The following SRGAP3 variants were observed in gnomAD, a reference collection of about 807,000 sequenced individuals.
The protein encoded by SRGAP3 is SLIT-ROBO Rho GTPase-activating protein 3.
In SRGAP3, 39 loss-of-function variants were observed where a neutral mutation model predicts 121.1. The ratio of observed to expected loss-of-function variants is 0.32; its 90% CI spans 0.25 to 0.42. The LOEUF is 0.42. Ranked by LOEUF, SRGAP3 falls within the 10% of genes least tolerant of loss-of-function variation. The pLI is 1.00. For synonymous variants in SRGAP3, 601 were observed against 570.0 expected (o/e 1.05, Z -0.77); for missense variants, 1,213 against 1,470.6 (o/e 0.82, Z 2.86).
chr3:9,262,910 G>C (rs144136185), intron 3 of SRGAP3, among the ~76,000 whole-genome samples: 1 of 152,232 alleles, frequency 6.6e-6, no homozygotes, highest in East Asian at 1.9e-4. Flanking sequence ...CAAATCAACA[G>C]AGTATACATT....
intron 3 of SRGAP3, among the ~76,000 whole-genome samples, chr3:9,283,854 T>G (rs1394495504): frequency 1.3e-5 from 2 of 152,176 alleles, no homozygotes; most frequent in African/African-American, 4.8e-5. Flanking sequence ...TTTTGAAATG[T>G]TAAAACGATA....
chr3:9,298,134 A>G (rs1954983283), intron 3 of SRGAP3, among the ~76,000 whole-genome samples: 1 of 152,200 alleles, frequency 6.6e-6, no homozygotes, highest in Non-Finnish European at 1.5e-5. Context: ...CAGCCTTAGC[A>G]CACTAATACA....
chr3:9,034,080 G>A (rs1030123015), intron 11 of SRGAP3: 1 of 152,206 alleles, frequency 6.6e-6, no homozygotes, highest in African/African-American at 2.4e-5. Context: ...CAGTTCACCA[G>A]AGAAACAGCC....
chr3:8,993,022 C>T lies in SRGAP3; in HGVS notation c.2442G>A (p.Lys814=). 1 of 1,614,218 alleles carries T rather than the reference C, an allele frequency of 6.2e-7. No individual in the cohort carries two copies. The highest frequency in any genetic ancestry group is 8.5e-7 in the Non-Finnish European group (1 of 1,180,048). The change falls in exon 20 of 22, where the codon AAG becomes AAA. Residue 814 remains lysine, a synonymous_variant. Transcript: ENST00000383836. The part of the protein sequence containing the change: ...DDAFSDSLSQ[K]ADSEASSGPL... Reference sequence around the variant, plus strand: ...GCCCACTGCTGGCCTCGCTGTCAGCCTTCTGGCTCAGGCTGTCGGAGAAGG... The same window carrying T: ...GCCCACTGCTGGCCTCGCTGTCAGCTTTCTGGCTCAGGCTGTCGGAGAAGG...
intron 3 of SRGAP3, among the ~76,000 whole-genome samples, chr3:9,282,689 C>G (rs115534785): frequency 0.02 from 3,033 of 151,982 alleles, 94 homozygotes; most frequent in African/African-American, 0.069. Context: ...CAGGGTTTGG[C>G]CAAGCTGGTC....
At chr3:9,105,875 A>G (rs775293202) in intron 2 of SRGAP3, among the ~76,000 whole-genome samples, 4 of 152,248 alleles carry the variant, frequency 2.6e-5, no homozygotes, top group Non-Finnish European at 4.4e-5. Flanking sequence ...ATCATAGTTT[A>G]GCCTACCCTA....
At chr3:9,162,954 C>G (rs1386932685) in intron 1 of SRGAP3, among the ~76,000 whole-genome samples, 2 of 152,246 alleles carry the variant, frequency 1.3e-5, no homozygotes, top group Non-Finnish European at 2.9e-5. Flanking sequence ...AGCTCTGCCA[C>G]TTATCAGCTC....
rs1021321898 is a variant in SRGAP3, at chr3:8,982,998, G to A, written c.*2521C>T. 1 of 229,022 alleles carries A rather than the reference G, an allele frequency of 4.4e-6. No individual in the cohort carries two copies. Among genetic ancestry groups the A allele is most frequent in the Non-Finnish European group, 8.7e-6 (1 of 115,478 alleles). The allele number at this position is 229,022 out of a possible 1,614,324, so 14.2% of individuals were successfully genotyped here. A position where few individuals can be genotyped will look rare whatever the true frequency, so the allele number is the denominator to read the frequency against. On this transcript the variant is annotated 3_prime_UTR_variant, in exon 22 of 22. Transcript: ENST00000383836. ...TTGGTGTTATGTATATCAGGCAACAGATTTTTCTACTCTGATTGTTGCTTT... is the reference window on the plus strand; with the variant it reads ...TTGGTGTTATGTATATCAGGCAACAAATTTTTCTACTCTGATTGTTGCTTT...
intron 3 of SRGAP3, among the ~76,000 whole-genome samples, chr3:9,273,477 C>A (rs1213877621): frequency 6.7e-6 from 1 of 149,522 alleles, no homozygotes; most frequent in Admixed American, 6.7e-5. Context: ...TTTAGGAGTT[C>A]TTTATATAAG....
chr3:9,133,112 T>C lies in SRGAP3; in HGVS notation c.68-8195A>G, dbSNP rs1949520522. On this transcript the variant is annotated intron_variant, in intron 1 of 21. Coordinates refer to ENST00000383836, the MANE Select transcript of SRGAP3 (RefSeq NM_014850.4). ...ATTTACATATATAGAATGTTAAATA[T>C]ATTATTTCCTCTGTTTTTATACATG... 3.3e-5 allele frequency among the ~76,000 whole-genome samples: 5 copies of C among 151,402 alleles called. No homozygotes were observed. In the South Asian group the frequency reaches 1.0e-3, roughly 31 times the overall value.
chr3:9,236,813 T>C (rs778432541), intron 1 of SRGAP3, among the ~76,000 whole-genome samples: 1 of 152,240 alleles, frequency 6.6e-6, no homozygotes, highest in Non-Finnish European at 1.5e-5. Flanking sequence ...TGTCTTTTCA[T>C]AGAACTATGT....
chr3:9,261,030 C>T, intron 3 of SRGAP3, among the ~76,000 whole-genome samples: 1 of 152,202 alleles, frequency 6.6e-6, no homozygotes, highest in Non-Finnish European at 1.5e-5. Flanking sequence ...TGCTGTTCTG[C>T]AGTCTCCACT....
intron 1 of SRGAP3, among the ~76,000 whole-genome samples, chr3:9,130,714 C>G (rs1221990964): frequency 6.6e-6 from 1 of 152,242 alleles, no homozygotes; most frequent in Non-Finnish European, 1.5e-5. Flanking sequence ...CTTTTAATCC[C>G]TCTGTATTCA....
rs1401351425 is a variant in SRGAP3 at position 9,175,147 on chromosome 3, ATT to A, written c.68-50232_68-50231del. Among the ~76,000 whole-genome samples the A allele has an allele frequency of 2.0e-5, 3 of 152,348 alleles. No homozygotes were observed. In the East Asian group the frequency reaches 5.8e-4, roughly 29 times the overall value. On this transcript the variant is annotated intron_variant, in intron 1 of 21. Coordinates refer to ENST00000383836, the MANE Select transcript of SRGAP3 (RefSeq NM_014850.4). ...TTTGTCAGCCAGATGTTCCAACATC[ATT>A]TAAGCATGAGCTTAAATCCCAAGCC... is the stretch of plus-strand genomic sequence containing the variant.
At chr3:9,336,478 T>C (rs1955696656) in intron 1 of SRGAP3, among the ~76,000 whole-genome samples, 1 of 151,564 alleles carries the variant, frequency 6.6e-6, no homozygotes, top group Non-Finnish European at 1.5e-5. Flanking sequence ...GACTCTCAAG[T>C]TGTTAGGATT....
chr3:9,348,347 A>G (rs761422150), intron 1 of SRGAP3: 20 of 435,900 alleles, frequency 4.6e-5, no homozygotes, highest in Non-Finnish European at 8.1e-5. Flanking sequence ...TGGAAAGAAA[A>G]GGGAGAAAGA....
intron 4 of SRGAP3, among the ~76,000 whole-genome samples, chr3:9,077,513 C>G (rs1281597043): frequency 6.6e-6 from 1 of 152,154 alleles, no homozygotes; most frequent in Non-Finnish European, 1.5e-5. Context: ...TGTGCTGGCA[C>G]CATGAGGATC....
At chr3:9,087,124 G>A (rs905525088) in intron 3 of SRGAP3, among the ~76,000 whole-genome samples, 1 of 152,040 alleles carries the variant, frequency 6.6e-6, no homozygotes, top group Non-Finnish European at 1.5e-5. Flanking sequence ...ATGTGTGTGT[G>A]TATATATATG....
chr3:9,213,539 T>A (rs756213106), intron 1 of SRGAP3, among the ~76,000 whole-genome samples: 4 of 152,202 alleles, frequency 2.6e-5, no homozygotes, highest in Non-Finnish European at 5.9e-5. Flanking sequence ...TGCAGGCATC[T>A]TCCCTTGCTT....
Sources: allele counts gnomAD v4.1 joint callset (sites outside exome capture counted in the v4.1 genomes callset), GRCh38; gene constraint gnomAD v4.1.1; transcripts MANE v1.5; gene names NCBI Gene and HGNC (gene_info 2026-07-23, HGNC 2026-07-21).